PDE7B: variants seen among roughly 807,000 people sequenced by gnomAD.
The protein encoded by PDE7B is phosphodiesterase 7B, also known as 3',5'-cyclic-AMP phosphodiesterase 7B.
PDE7B carries 29 observed loss-of-function variants against 56.2 expected under a neutral mutation model. The ratio of observed to expected loss-of-function variants is 0.52; its 90% CI spans 0.38 to 0.70. The LOEUF (loss-of-function observed/expected upper bound fraction) is 0.70. Ranked by LOEUF, PDE7B falls within the 30% of genes least tolerant of loss-of-function variation. PDE7B has a pLI of 0.00. For missense variants in PDE7B, 490 were observed against 565.0 expected (o/e 0.87, Z 1.35); for synonymous variants, 197 against 196.9 (o/e 1.00, Z 0.00).
chr6:135,908,302 C>T (rs1468221006), intron 1 of PDE7B, among the ~76,000 whole-genome samples: 1 of 151,762 alleles, frequency 6.6e-6, no homozygotes, highest in Non-Finnish European at 1.5e-5. Context: ...CCATATCGGT[C>T]AGGCTGGTCT....
intron 1 of PDE7B, among the ~76,000 whole-genome samples, chr6:135,867,547 C>A (rs1195103488): frequency 6.6e-6 from 1 of 152,076 alleles, no homozygotes; most frequent in Non-Finnish European, 1.5e-5. Context: ...AAGCCTACTA[C>A]CCATTAGTTA....
intron 1 of PDE7B, among the ~76,000 whole-genome samples, chr6:135,855,733 C>T (rs1176051341): frequency 6.6e-6 from 1 of 152,122 alleles, no homozygotes; most frequent in Admixed American, 6.5e-5. Context: ...TTATGGAAAG[C>T]TGGAGTCTTT....
chr6:136,071,391 A>AC (rs1328082022), intron 2 of PDE7B: 1 of 152,158 alleles, frequency 6.6e-6, no homozygotes, highest in Non-Finnish European at 1.5e-5. Context: ...CTCAGCCTTC[A>AC]CCTCAGCATT....
At chr6:135,999,604 T>C (rs1243143109) in intron 2 of PDE7B, among the ~76,000 whole-genome samples, 1 of 152,208 alleles carries the variant, frequency 6.6e-6, no homozygotes, top group Non-Finnish European at 1.5e-5. Flanking sequence ...CATTCTTTTT[T>C]ATGGCTGCAT....
intron 12 of PDE7B, among the ~76,000 whole-genome samples, chr6:136,187,617 C>T (rs1779162654): frequency 6.6e-6 from 1 of 152,180 alleles, no homozygotes; most frequent in Non-Finnish European, 1.5e-5. Context: ...TCCTTCAAAA[C>T]TTATTTTCAG....
chr6:135,922,999 C>G (rs540664742), intron 1 of PDE7B, among the ~76,000 whole-genome samples: 2 of 152,262 alleles, frequency 1.3e-5, no homozygotes, highest in African/African-American at 4.8e-5. Context: ...CTGCCAGTGG[C>G]CGTGGCACAG....
intron 3 of PDE7B, among the ~76,000 whole-genome samples, chr6:136,146,235 G>C (rs560258906): frequency 3.9e-5 from 6 of 152,264 alleles, no homozygotes; most frequent in African/African-American, 1.4e-4. Context: ...TTTCCTACTA[G>C]ACTGTTAAAC....
intron 2 of PDE7B, among the ~76,000 whole-genome samples, chr6:136,007,903 T>C (rs1359890978): frequency 2.0e-5 from 3 of 152,062 alleles, no homozygotes; most frequent in African/African-American, 7.2e-5. Context: ...TACATATGTA[T>C]ACATGTGCCA....
chr6:135,882,297 C>T (rs925658037), intron 1 of PDE7B, among the ~76,000 whole-genome samples: 1 of 152,168 alleles, frequency 6.6e-6, no homozygotes, highest in Non-Finnish European at 1.5e-5. Context: ...GAGTTACTGA[C>T]AGCGCTAAAA....
At chr6:136,167,451 G>T (rs1220203321) in intron 8 of PDE7B, among the ~76,000 whole-genome samples, 5 of 152,000 alleles carry the variant, frequency 3.3e-5, no homozygotes, top group Non-Finnish European at 7.4e-5. Flanking sequence ...TTCATAAAGG[G>T]GAGGTTTCCT....
At position 136,022,996 on chromosome 6, in the gene PDE7B, GA is replaced by G. The variant is rs796152044; in HGVS notation, c.82+75482del. 4.1e-3 allele frequency among the ~76,000 whole-genome samples: 609 copies of G among 148,144 alleles called. 7 individuals carry two copies. Among genetic ancestry groups the G allele is most frequent in the African/African-American group, 0.014 (574 of 40,478 alleles). On this transcript the variant is annotated intron_variant, in intron 2 of 12. Transcript: ENST00000308191. Reference sequence around the variant, plus strand: ...GAGAGAGAGAAACAGAAGGGTCTCAGAAAAAAAAAACCAGCTCACTCTTCCA... The same window carrying G: ...GAGAGAGAGAAACAGAAGGGTCTCAGAAAAAAAAACCAGCTCACTCTTCCA...
At chr6:136,028,866 G>A (rs537051418) in intron 2 of PDE7B, among the ~76,000 whole-genome samples, 7 of 152,246 alleles carry the variant, frequency 4.6e-5, no homozygotes, top group South Asian at 4.2e-4. Flanking sequence ...CACAGGTTCC[G>A]AGGACTAGGA....
At chr6:136,111,692 T>G (rs1777751198) in intron 3 of PDE7B, among the ~76,000 whole-genome samples, 1 of 152,252 alleles carries the variant, frequency 6.6e-6, no homozygotes, top group Non-Finnish European at 1.5e-5. Context: ...GAGTTGTTAG[T>G]GTGTGCTTTA....
intron 2 of PDE7B, among the ~76,000 whole-genome samples, chr6:136,025,217 T>C (rs1454253472): frequency 1.3e-5 from 2 of 152,200 alleles, no homozygotes; most frequent in Non-Finnish European, 2.9e-5. Context: ...TTTAGACCAC[T>C]TTGGGCGGTG....
chr6:136,193,241 A>G lies in PDE7B; in HGVS notation c.*1401A>G, dbSNP rs995948657. 2 of 152,680 alleles carry G rather than the reference A, an allele frequency of 1.3e-5. No homozygotes were observed. The highest frequency in any genetic ancestry group is 2.9e-5 in the Non-Finnish European group (2 of 68,052). The allele number at this position is 152,680 out of a possible 1,614,324, so 9.5% of individuals were successfully genotyped here. A position where few individuals can be genotyped will look rare whatever the true frequency, so the allele number is the denominator to read the frequency against. On this transcript the variant is annotated 3_prime_UTR_variant, in exon 13 of 13. Transcript: ENST00000308191. Reference sequence around the variant, plus strand: ...TGCCACACATTTGTCTATTATGGCTATAGTACCAAAGTACTTTTGGTGTTT... The same window carrying G: ...TGCCACACATTTGTCTATTATGGCTGTAGTACCAAAGTACTTTTGGTGTTT...
intron 1 of PDE7B, 94 bp downstream of exon 1, chr6:135,852,113 CAT>C: frequency 1.2e-6 from 1 of 860,956 alleles, no homozygotes; most frequent in South Asian, 1.4e-5. Context: ...TGAACCTGTA[CAT>C]ATATATGTTT....
At chr6:136,122,048 C>T (rs958970842) in intron 3 of PDE7B, among the ~76,000 whole-genome samples, 2 of 151,676 alleles carry the variant, frequency 1.3e-5, no homozygotes, top group African/African-American at 2.4e-5. Context: ...CAGGCTGGAG[C>T]GCAGTGGTGT....
chr6:135,889,408 G>C (rs950283351), intron 1 of PDE7B, among the ~76,000 whole-genome samples: 4 of 147,750 alleles, frequency 2.7e-5, no homozygotes, highest in Admixed American at 6.7e-5. Flanking sequence ...GGGATTACAG[G>C]TGTGAGCCAC....
chr6:136,097,497 A>G (rs940250942), intron 2 of PDE7B, among the ~76,000 whole-genome samples: 133 of 152,032 alleles, frequency 8.7e-4, no homozygotes, highest in African/African-American at 3.0e-3. Context: ...GCACCCTACA[A>G]ACTACCATCT....
Sources: allele counts gnomAD v4.1 joint callset (sites outside exome capture counted in the v4.1 genomes callset), GRCh38; gene constraint gnomAD v4.1.1; transcripts MANE v1.5; gene names NCBI Gene and HGNC (gene_info 2026-07-23, HGNC 2026-07-21).